CHSY1: variants seen among roughly 807,000 people sequenced by gnomAD.
The protein encoded by CHSY1 is N-acetylgalactosaminyl-proteoglycan 3-beta-glucuronosyltransferase 1.
Under a neutral mutation model 59.8 loss-of-function variants are expected in CHSY1, and 13 were observed. The observed-to-expected ratio is 0.22, with a 90% CI of 0.14 to 0.35. The LOEUF (loss-of-function observed/expected upper bound fraction) is 0.35. Among genes scored for constraint, CHSY1 ranks in the 10% least tolerant of loss-of-function variants. The pLI is 1.00. For synonymous variants in CHSY1, 459 were observed against 401.2 expected (o/e 1.14, Z -1.72); for missense variants, 947 against 1,030.6 (o/e 0.92, Z 1.11).
intron 2 of CHSY1, among the ~76,000 whole-genome samples, chr15:101,180,069 A>T (rs565688469): frequency 6.6e-5 from 10 of 152,206 alleles, no homozygotes; most frequent in Non-Finnish European, 1.3e-4. Context: ...GATGACACGC[A>T]TTCTGGCTGA....
At chr15:101,227,436 C>A (rs2038851276) in intron 2 of CHSY1, among the ~76,000 whole-genome samples, 1 of 152,022 alleles carries the variant, frequency 6.6e-6, no homozygotes, top group Admixed American at 6.5e-5. Flanking sequence ...GCAGCACTGC[C>A]CAAGGGGATG....
Position 101,213,035 on chromosome 15 carries a change from G to A in CHSY1, c.816+22047C>T, listed in dbSNP as rs908036824. Among the ~76,000 whole-genome samples the A allele has an allele frequency of 2.6e-5, 4 of 151,962 alleles. 1 individual carries two copies. The highest frequency in any genetic ancestry group is 4.8e-5 in the African/African-American group (2 of 41,388). On this transcript the variant is annotated intron_variant, in intron 2 of 2. Transcript: ENST00000254190. ...GAAATTAATACTTGACAAAAATGAAGAAATTATCAATAGAAAATCTATATT... is the reference window on the plus strand; with the variant it reads ...GAAATTAATACTTGACAAAAATGAAAAAATTATCAATAGAAAATCTATATT...
At chr15:101,205,135 T>C (rs563547741) in intron 2 of CHSY1, among the ~76,000 whole-genome samples, 332 of 152,092 alleles carry the variant, frequency 2.2e-3, no homozygotes, top group Non-Finnish European at 3.7e-3. Flanking sequence ...AAAGTTCTAA[T>C]ATTTTATCTT....
intron 1 of CHSY1, 62 bp from the exon 2 acceptor site, chr15:101,235,639 A>G: frequency 6.5e-7 from 1 of 1,536,816 alleles, no homozygotes; most frequent in Non-Finnish European, 8.9e-7. Context: ...TCAGGAATTC[A>G]CGTTATCTGC....
intron 2 of CHSY1, among the ~76,000 whole-genome samples, chr15:101,212,517 A>G (rs971209740): frequency 6.6e-6 from 1 of 152,224 alleles, no homozygotes; most frequent in Non-Finnish European, 1.5e-5. Context: ...GCCTTATACA[A>G]GAGTCCACAC....
rs1487778335 is a variant in CHSY1 at position 101,199,427 on chromosome 15, C to T, written c.817-20447G>A. ...CTGAGGCAGGAGAATCGCTTGAACC[C>T]AGGAGGCGGAAGTTGCAGTGAGCCG... On this transcript the variant is annotated intron_variant, in intron 2 of 2. Coordinates refer to ENST00000254190, the MANE Select transcript of CHSY1 (RefSeq NM_014918.5). Among the ~76,000 whole-genome samples the T allele has an allele frequency of 3.9e-5, 6 of 152,192 alleles. No individual in the cohort carries two copies. The East Asian group carries it at 1.2e-3, about 29-fold the overall frequency.
At chr15:101,231,394 GA>G (rs1488614028) in intron 2 of CHSY1, among the ~76,000 whole-genome samples, 2 of 152,246 alleles carry the variant, frequency 1.3e-5, no homozygotes, top group African/African-American at 4.8e-5. Context: ...CAGGAAACCT[GA>G]GGCACCATGA....
chr15:101,239,949 T>C (rs560543840), intron 1 of CHSY1, among the ~76,000 whole-genome samples: 2 of 152,190 alleles, frequency 1.3e-5, no homozygotes, highest in African/African-American at 2.4e-5. Context: ...CAGACGCAAT[T>C]AATGTCTCAA....
intron 2 of CHSY1, among the ~76,000 whole-genome samples, chr15:101,224,639 T>A (rs2038821882): frequency 6.6e-6 from 1 of 152,198 alleles, no homozygotes; most frequent in South Asian, 2.1e-4. Context: ...CAAGGGATTC[T>A]CTTGCAGACG....
At chr15:101,188,271 A>G in intron 2 of CHSY1, 7 of 796,592 alleles carry the variant, frequency 8.8e-6, no homozygotes, top group Non-Finnish European at 1.1e-5. Flanking sequence ...AAGAGACCGT[A>G]ACTGCTGGTA....
chr15:101,177,290 A>T lies in CHSY1; in HGVS notation c.*98T>A. The T allele has an allele frequency of 8.5e-7, 1 of 1,176,780 alleles. No homozygotes were observed. Among genetic ancestry groups the T allele is most frequent in the Non-Finnish European group, 1.2e-6 (1 of 840,060 alleles). 72.9% of individuals were successfully genotyped at this position (1,176,780 alleles called of 1,614,324 possible). ...CCTATGTAAGAAAACCACTTGTAAA[A>T]TATATCCTTGTATACGGACTTCAAA... On this transcript the variant is annotated 3_prime_UTR_variant, in exon 3 of 3. Transcript: ENST00000254190.
chr15:101,198,181 T>C (rs2038529528), intron 2 of CHSY1, among the ~76,000 whole-genome samples: 1 of 152,146 alleles, frequency 6.6e-6, no homozygotes, highest in Non-Finnish European at 1.5e-5. Flanking sequence ...CTCTGAGCTC[T>C]GTGTCTCCAG....
intron 2 of CHSY1, among the ~76,000 whole-genome samples, chr15:101,209,198 A>G (rs1281543864): frequency 3.3e-5 from 5 of 152,210 alleles, no homozygotes; most frequent in Non-Finnish European, 5.9e-5. Context: ...CAAAATCACA[A>G]ACTGTTAGGA....
At chr15:101,249,510 ATTTT>A (rs34753057) in intron 1 of CHSY1, among the ~76,000 whole-genome samples, 72 of 113,036 alleles carry the variant, frequency 6.4e-4, no homozygotes, top group African/African-American at 2.4e-3. Flanking sequence ...GATAGATAGA[ATTTT>A]TTTTTTTTTT....
chr15:101,248,183 T>C (rs899902700), intron 1 of CHSY1, among the ~76,000 whole-genome samples: 2 of 152,252 alleles, frequency 1.3e-5, no homozygotes, highest in Admixed American at 6.5e-5. Flanking sequence ...CTTACTTTTA[T>C]ACTGAACTGT....
At chr15:101,203,631 G>A (rs1243776897) in intron 2 of CHSY1, among the ~76,000 whole-genome samples, 2 of 152,154 alleles carry the variant, frequency 1.3e-5, no homozygotes, top group African/African-American at 4.8e-5. Context: ...GGCAAAAGTA[G>A]TGATTTTTAC....
At chr15:101,182,292 T>G (rs2038290975) in intron 2 of CHSY1, among the ~76,000 whole-genome samples, 2 of 152,184 alleles carry the variant, frequency 1.3e-5, no homozygotes, top group South Asian at 4.1e-4. Flanking sequence ...AGAGATCGCT[T>G]TTGACTGCAA....
intron 2 of CHSY1, among the ~76,000 whole-genome samples, chr15:101,222,034 T>C (rs79049901): frequency 0.032 from 4,876 of 152,304 alleles, 264 homozygotes; most frequent in African/African-American, 0.11. Flanking sequence ...CATTTTGCTG[T>C]AATGGTACCA....
At chr15:101,222,679 G>A (rs554414771) in intron 2 of CHSY1, among the ~76,000 whole-genome samples, 7 of 152,260 alleles carry the variant, frequency 4.6e-5, no homozygotes, top group South Asian at 2.1e-4. Flanking sequence ...AGTATCTTGC[G>A]GAAAATCCCA....
Sources: gnomAD v4.1 joint callset for allele counts (sites outside exome capture counted in the v4.1 genomes callset) on GRCh38, gnomAD v4.1.1 for gene constraint, MANE v1.5 for transcripts, NCBI Gene and HGNC (gene_info 2026-07-23, HGNC 2026-07-21) for gene names.